SMOC2: variants seen among roughly 807,000 people sequenced by gnomAD.
SMOC2 encodes SPARC related modular calcium binding 2.
In SMOC2, 39 loss-of-function variants were observed where a neutral mutation model predicts 61.4. That is an observed-to-expected ratio of 0.64 (90% CI 0.49 to 0.83). The LOEUF (loss-of-function observed/expected upper bound fraction) is 0.83. Ranked by LOEUF, SMOC2 falls within the 40% of genes least tolerant of loss-of-function variation. The probability of loss-of-function intolerance (pLI) is 0.00; values close to 1 mark genes in which losing one functional copy is unlikely to be tolerated. For missense variants in SMOC2, 556 were observed against 592.9 expected (o/e 0.94, Z 0.65); for synonymous variants, 247 against 239.9 (o/e 1.03, Z -0.27).
intron 1 of SMOC2, among the ~76,000 whole-genome samples, chr6:168,501,508 C>A (rs1782728495): frequency 6.6e-6 from 1 of 152,130 alleles, no homozygotes; most frequent in African/African-American, 2.4e-5. Flanking sequence ...CCTGCATCAT[C>A]TGTCCCTCGC....
chr6:168,633,023 G>A (rs1356859538), intron 9 of SMOC2, among the ~76,000 whole-genome samples: 1 of 152,170 alleles, frequency 6.6e-6, no homozygotes, highest in Non-Finnish European at 1.5e-5. Context: ...CCAGCTTCAA[G>A]CCACAGGAGT....
chr6:168,456,982 C>T (rs565790991), intron 1 of SMOC2, among the ~76,000 whole-genome samples: 16 of 152,246 alleles, frequency 1.1e-4, no homozygotes, highest in African/African-American at 3.4e-4. Flanking sequence ...GAAGAAGCTG[C>T]TCGGGACAAG....
chr6:168,532,714 T>G (rs777146244), intron 4 of SMOC2, among the ~76,000 whole-genome samples: 1 of 152,214 alleles, frequency 6.6e-6, no homozygotes, highest in Non-Finnish European at 1.5e-5. Flanking sequence ...ATAGCTTGGT[T>G]GGAGTTACGT....
chr6:168,516,211 A>G (rs534812599), intron 2 of SMOC2, among the ~76,000 whole-genome samples: 1 of 152,334 alleles, frequency 6.6e-6, no homozygotes, highest in South Asian at 2.1e-4. Flanking sequence ...GACCTTGAAT[A>G]GAACTGCGGT....
intron 11 of SMOC2, among the ~76,000 whole-genome samples, chr6:168,659,717 A>T (rs76049767): frequency 4.0e-5 from 3 of 74,214 alleles, no homozygotes; most frequent in Admixed American, 2.5e-4. Flanking sequence ...TTGTAGGCTG[A>T]GTGAGGGTGG....
chr6:168,498,328 G>A (rs1782641167), intron 1 of SMOC2, among the ~76,000 whole-genome samples: 1 of 152,186 alleles, frequency 6.6e-6, no homozygotes, highest in Admixed American at 6.5e-5. Context: ...AAGAGCCTCA[G>A]AAAAGAAACT....
chr6:168,518,146 C>A lies in SMOC2; in HGVS notation c.256+8060C>A, dbSNP rs189609175. Among the ~76,000 whole-genome samples, 46 of 152,334 alleles carry A rather than the reference C, an allele frequency of 3.0e-4. No individual in the cohort carries two copies. The Middle Eastern group carries it at 0.01, about 34-fold the overall frequency. Reference sequence around the variant, plus strand: ...GCCTTGGAGGAAGCGGGAGTCGCGACGTCCCCATGAGGCTCCTTCACCCCC... The same window carrying A: ...GCCTTGGAGGAAGCGGGAGTCGCGAAGTCCCCATGAGGCTCCTTCACCCCC... On this transcript the variant is annotated intron_variant, in intron 2 of 12. Transcript: ENST00000356284.
intron 1 of SMOC2, among the ~76,000 whole-genome samples, chr6:168,476,315 G>A (rs748026941): frequency 6.6e-6 from 1 of 152,080 alleles, no homozygotes; most frequent in Non-Finnish European, 1.5e-5. Context: ...AGAAAGTGAT[G>A]TCTAACCCTA....
intron 9 of SMOC2, among the ~76,000 whole-genome samples, chr6:168,627,702 A>G (rs2115243085): frequency 6.6e-6 from 1 of 152,290 alleles, no homozygotes. Flanking sequence ...AACTCAGTAT[A>G]CAGTAGGAGC....
chr6:168,468,348 C>G (rs565077238), intron 1 of SMOC2, among the ~76,000 whole-genome samples: 30 of 152,324 alleles, frequency 2.0e-4, no homozygotes, highest in African/African-American at 7.0e-4. Context: ...GCAGGACTTT[C>G]AGGTCAGTGA....
chr6:168,473,796 C>T (rs1240210472), intron 1 of SMOC2, among the ~76,000 whole-genome samples: 1 of 151,986 alleles, frequency 6.6e-6, no homozygotes, highest in Non-Finnish European at 1.5e-5. Context: ...AAGCAAGACT[C>T]CTTTGGCACT....
intron 7 of SMOC2, among the ~76,000 whole-genome samples, chr6:168,575,290 C>T (rs1009543428): frequency 2.6e-5 from 4 of 152,310 alleles, no homozygotes; most frequent in South Asian, 2.1e-4. Context: ...ACATGCATTT[C>T]GGATGTTTCC....
chr6:168,481,271 C>T (rs1332066836), intron 1 of SMOC2, among the ~76,000 whole-genome samples: 1 of 152,040 alleles, frequency 6.6e-6, no homozygotes, highest in Non-Finnish European at 1.5e-5. Flanking sequence ...TTACTTAATG[C>T]TTCGATGTAC....
intron 9 of SMOC2, among the ~76,000 whole-genome samples, chr6:168,624,706 GGACACACAGACACA>G (rs1178778889): frequency 2.7e-5 from 4 of 149,210 alleles, no homozygotes; most frequent in Non-Finnish European, 5.9e-5. Context: ...AGATGTACAC[GGACACACAGACACA>G]GACACACAGA....
intron 7 of SMOC2, among the ~76,000 whole-genome samples, chr6:168,597,237 G>A (rs182555758): frequency 2.6e-5 from 4 of 152,318 alleles, no homozygotes; most frequent in Non-Finnish European, 4.4e-5. Context: ...GCAACATTTG[G>A]TAATATAGTC....
chr6:168,648,564 A>G (rs1396581168), intron 9 of SMOC2, among the ~76,000 whole-genome samples: 1 of 152,230 alleles, frequency 6.6e-6, no homozygotes, highest in African/African-American at 2.4e-5. Context: ...CTGCAGCCTC[A>G]GGTCCTCTGC....
intron 9 of SMOC2, among the ~76,000 whole-genome samples, chr6:168,628,715 T>G (rs1005982445): frequency 1.3e-5 from 2 of 152,258 alleles, no homozygotes; most frequent in African/African-American, 4.8e-5. Flanking sequence ...CTGTGCGTGG[T>G]ACAGTAGATG....
At chr6:168,636,579 C>T (rs1172031442) in intron 9 of SMOC2, among the ~76,000 whole-genome samples, 1 of 152,192 alleles carries the variant, frequency 6.6e-6, no homozygotes, top group Non-Finnish European at 1.5e-5. Context: ...TTCAGGCACA[C>T]GGGGACTCCC....
At chr6:168,529,466 G>A (rs976171423) in intron 4 of SMOC2, among the ~76,000 whole-genome samples, 15 of 152,208 alleles carry the variant, frequency 9.9e-5, no homozygotes, top group African/African-American at 3.1e-4. Flanking sequence ...CAGGACAAGC[G>A]TCCTTCTACC....
Sources: allele counts gnomAD v4.1 joint callset (sites outside exome capture counted in the v4.1 genomes callset), GRCh38; gene constraint gnomAD v4.1.1; transcripts MANE v1.5; gene names NCBI Gene and HGNC (gene_info 2026-07-23, HGNC 2026-07-21).